ZNF239: variants seen among roughly 807,000 people sequenced by gnomAD.
ZNF239 encodes zinc finger protein 239, also known as zinc finger protein (C2H2) homologous to mouse MOK-2.
Under a neutral mutation model 27.5 loss-of-function variants are expected in ZNF239, and 16 were observed. That is an observed-to-expected ratio of 0.58 (90% CI 0.39 to 0.88). ZNF239 has a LOEUF of 0.88. Ranked by LOEUF, ZNF239 falls within the 40% of genes least tolerant of loss-of-function variation. The probability of loss-of-function intolerance (pLI) is 0.00; values close to 1 mark genes in which losing one functional copy is unlikely to be tolerated. For synonymous variants in ZNF239, 199 were observed against 192.6 expected, an observed-to-expected ratio of 1.03 and a Z score of -0.27; for missense variants, 527 against 551.9, an observed-to-expected ratio of 0.95 and a Z score of 0.45.
chr10:43,564,550 T>C (rs947427946), intron 3 of ZNF239, among the ~76,000 whole-genome samples: 1 of 152,138 alleles, frequency 6.6e-6, no homozygotes, highest in Non-Finnish European at 1.5e-5. Context: ...TTAAAAAATT[T>C]TTTTATTTTG....
chr10:43,573,507 A>G, intron 2 of ZNF239, 130 bp downstream of exon 2: 1 of 487,872 alleles, frequency 2.0e-6, no homozygotes, highest in Non-Finnish European at 2.7e-6. Context: ...ACATGTCCTT[A>G]GTATCTTAAT....
chr10:43,567,057 G>A (rs1837706459), intron 3 of ZNF239, among the ~76,000 whole-genome samples: 1 of 152,102 alleles, frequency 6.6e-6, no homozygotes, highest in Admixed American at 6.5e-5. Context: ...TCGTGCCACT[G>A]CACTCCAGAC....
intron 3 of ZNF239, among the ~76,000 whole-genome samples, chr10:43,563,306 C>G (rs1837395960): frequency 6.6e-6 from 1 of 151,596 alleles, no homozygotes; most frequent in South Asian, 2.1e-4. Flanking sequence ...ACAGAGTGAG[C>G]CTTCGTCTAA....
intron 3 of ZNF239, among the ~76,000 whole-genome samples, chr10:43,563,153 G>A (rs191422651): frequency 7.3e-4 from 111 of 152,076 alleles, no homozygotes; most frequent in African/African-American, 2.6e-3. Flanking sequence ...AGTCTCCTCT[G>A]AATATACAAA....
intron 3 of ZNF239, among the ~76,000 whole-genome samples, chr10:43,563,987 C>T (rs1459180236): frequency 6.6e-6 from 1 of 151,992 alleles, no homozygotes; most frequent in Non-Finnish European, 1.5e-5. Context: ...TACTTTTTAC[C>T]AGGGCCTTCA....
intron 2 of ZNF239, chr10:43,568,486 A>C: frequency 1.0e-6 from 1 of 982,026 alleles, no homozygotes; most frequent in Non-Finnish European, 1.2e-6. Context: ...CTCTACTCTT[A>C]AAATATGAAT....
intron 3 of ZNF239, among the ~76,000 whole-genome samples, chr10:43,560,117 C>T (rs938617924): frequency 5.3e-5 from 8 of 152,198 alleles, no homozygotes; most frequent in Admixed American, 4.6e-4. Flanking sequence ...TCTCCCAGCC[C>T]ACCCTCTTCC....
At chr10:43,568,343 C>G in intron 2 of ZNF239, 1 of 985,438 alleles carries the variant, frequency 1.0e-6, no homozygotes, top group Non-Finnish European at 1.2e-6. Context: ...ATCCTGACAA[C>G]CTTAACACTC....
At chr10:43,566,778 GTAAA>G (rs1334236185) in intron 3 of ZNF239, among the ~76,000 whole-genome samples, 23 of 152,174 alleles carry the variant, frequency 1.5e-4, no homozygotes, top group African/African-American at 5.5e-4. Context: ...CATCTAGTGG[GTAAA>G]TAATTTTTTC....
chr10:43,567,185 G>C (rs1231643859), intron 3 of ZNF239, among the ~76,000 whole-genome samples: 1 of 152,162 alleles, frequency 6.6e-6, no homozygotes, highest in Non-Finnish European at 1.5e-5. Context: ...CTATTTGTAG[G>C]GTATGAGAGT....
At chr10:43,567,277 G>A (rs1197276256) in intron 3 of ZNF239, among the ~76,000 whole-genome samples, 1 of 152,070 alleles carries the variant, frequency 6.6e-6, no homozygotes, top group Non-Finnish European at 1.5e-5. Flanking sequence ...AATGGAAACT[G>A]GATATTGCCA....
intron 3 of ZNF239, among the ~76,000 whole-genome samples, chr10:43,562,671 G>A (rs767102112): frequency 1.5e-4 from 23 of 152,212 alleles, no homozygotes; most frequent in Non-Finnish European, 3.1e-4. Context: ...GGCTGATGGA[G>A]CAGCAGAGTC....
At chr10:43,561,630 TA>T (rs1285401328) in intron 3 of ZNF239, among the ~76,000 whole-genome samples, 2 of 152,170 alleles carry the variant, frequency 1.3e-5, no homozygotes, top group African/African-American at 4.8e-5. Context: ...CAAAATTTTT[TA>T]AAATTTAAGA....
chr10:43,572,668 G>A (rs1458541095), intron 2 of ZNF239, among the ~76,000 whole-genome samples: 7 of 152,134 alleles, frequency 4.6e-5, no homozygotes, highest in African/African-American at 1.7e-4. Context: ...ACCATAAAAC[G>A]CCAGGACAGG....
chr10:43,571,842 C>G (rs994000572), intron 2 of ZNF239, among the ~76,000 whole-genome samples: 4 of 152,114 alleles, frequency 2.6e-5, no homozygotes, highest in Non-Finnish European at 5.9e-5. Context: ...CAGGTGTGAG[C>G]CACCATGTCT....
At chr10:43,573,738 G>A in intron 1 of ZNF239, 61 bp from the exon 2 acceptor site, 1 of 830,220 alleles carries the variant, frequency 1.2e-6, no homozygotes, top group Non-Finnish European at 1.5e-6. Context: ...GCAAGACTGC[G>A]GGGAAAAAGT....
In ZNF239 at chr10:43,556,666, T is replaced by C. The variant is rs1290338402; in HGVS notation, c.*37A>G. On this transcript the variant is annotated 3_prime_UTR_variant, in exon 4 of 4. Coordinates refer to ENST00000374446, the MANE Select transcript of ZNF239 (RefSeq NM_001099282.2). ...ACTAAATATTTAACAGTTTTTACAGTATGAGCGCTGTGAAGACCTGAATGG... is the reference window on the plus strand; with the variant it reads ...ACTAAATATTTAACAGTTTTTACAGCATGAGCGCTGTGAAGACCTGAATGG... 1 of 1,591,548 alleles carries C rather than the reference T, an allele frequency of 6.3e-7. No individual in the cohort carries two copies. The highest frequency in any genetic ancestry group is 1.7e-5 in the Admixed American group (1 of 58,376).
intron 3 of ZNF239, among the ~76,000 whole-genome samples, chr10:43,559,284 C>T (rs1837046167): frequency 6.6e-6 from 1 of 152,128 alleles, no homozygotes; most frequent in African/African-American, 2.4e-5. Context: ...TGACAATAAA[C>T]ACCACTGGAA....
chr10:43,556,605 ATC>A lies in ZNF239; in HGVS notation c.*96_*97del. 1 of 1,442,366 alleles carries A rather than the reference ATC, an allele frequency of 6.9e-7. No homozygotes were observed. Among genetic ancestry groups the A allele is most frequent in the East Asian group, 2.3e-5 (1 of 43,378 alleles). The allele number at this position is 1,442,366 out of a possible 1,614,324, so 89.3% of individuals were successfully genotyped here. On this transcript the variant is annotated 3_prime_UTR_variant, in exon 4 of 4. Transcript: ENST00000374446. The stretch of plus-strand genomic sequence containing the variant: ...GGGAACATATCTAAATAACCCTTAC[ATC>A]TCTCTCCTTTGTAGAATATAAAGTA...
Sources: allele counts gnomAD v4.1 joint callset (sites outside exome capture counted in the v4.1 genomes callset), GRCh38; gene constraint gnomAD v4.1.1; transcripts MANE v1.5; gene names NCBI Gene and HGNC (gene_info 2026-07-23, HGNC 2026-07-21).